Variants in CDH18 observed in about 807,000 individuals in gnomAD.
CDH18 encodes cadherin-18.
Under a neutral mutation model 67.9 loss-of-function variants are expected in CDH18, and 31 were observed. The observed-to-expected ratio is 0.46, with a 90% CI of 0.34 to 0.62. The LOEUF is 0.62. Ranked by LOEUF, CDH18 falls within the 20% of genes least tolerant of loss-of-function variation. The probability of loss-of-function intolerance (pLI) is 0.01; values close to 1 mark genes in which losing one functional copy is unlikely to be tolerated. For synonymous variants in CDH18, 362 were observed against 347.2 expected (o/e 1.04, Z -0.48); for missense variants, 890 against 975.5 (o/e 0.91, Z 1.17).
At chr5:19,731,934 A>G (rs571985797) in intron 4 of CDH18, among the ~76,000 whole-genome samples, 1 of 151,462 alleles carries the variant, frequency 6.6e-6, no homozygotes, top group Non-Finnish European at 1.5e-5. Flanking sequence ...TACAAAACAC[A>G]CAAAAATTAG....
chr5:19,641,685 A>G (rs933009810), intron 5 of CDH18, among the ~76,000 whole-genome samples: 1 of 152,038 alleles, frequency 6.6e-6, no homozygotes, highest in Non-Finnish European at 1.5e-5. Context: ...TCTCAACACA[A>G]TTATGGTCAT....
chr5:20,110,080 G>A (rs75509654), intron 2 of CDH18, among the ~76,000 whole-genome samples: 8,900 of 152,202 alleles, frequency 0.058, 286 homozygotes, highest in East Asian at 0.14. Context: ...CTCTCTCTGA[G>A]CTTACCCTCT....
intron 2 of CDH18, among the ~76,000 whole-genome samples, chr5:19,960,737 G>GTA (rs1796787052): frequency 2.4e-5 from 3 of 125,636 alleles, no homozygotes; most frequent in South Asian, 2.2e-4. Flanking sequence ...ACGTATATAC[G>GTA]TATACACGTG....
intron 5 of CDH18, among the ~76,000 whole-genome samples, chr5:19,718,169 G>T (rs905146463): frequency 6.6e-6 from 1 of 151,804 alleles, no homozygotes; most frequent in African/African-American, 2.4e-5. Context: ...AGAGCACAAT[G>T]GTTAATAAAA....
intron 1 of CDH18, among the ~76,000 whole-genome samples, chr5:20,272,144 C>T: frequency 6.6e-6 from 1 of 151,964 alleles, no homozygotes; most frequent in Non-Finnish European, 1.5e-5. Context: ...AGTAGCAAAA[C>T]AGACTGAAGA....
chr5:20,519,044 C>G (rs1054082268), intron 1 of CDH18, among the ~76,000 whole-genome samples: 1 of 152,040 alleles, frequency 6.6e-6, no homozygotes, highest in Non-Finnish European at 1.5e-5. Flanking sequence ...GCTCAATACC[C>G]CCAGCCTGGA....
rs368155280 is a variant in CDH18 at position 19,747,153 on chromosome 5, G to C, written c.312C>G (p.Asp104Glu). The change falls in exon 4 of 13, where the codon GAC becomes GAG. Residue 104 changes from aspartate (D) to glutamate (E), a missense_variant. By Grantham distance (45) the Asp-to-Glu change is conservative. This residue lies in a region of CDH18 where 234 missense variants were observed against 307.4 expected (regional missense o/e 0.76). Transcript: ENST00000382275. ...TTGAGTGGATATCACCCGTGGTATC[G>C]TCAATGATAAATATAGTCCCAGCAC... ...GEGAGTIFIIDDTTGDIHSTK... is the reference protein window; with the variant it reads ...GEGAGTIFIIEDTTGDIHSTK... The C allele has an allele frequency of 6.2e-7, 1 of 1,612,974 alleles. No individual in the cohort carries two copies. Among genetic ancestry groups the C allele is most frequent in the Admixed American group, 1.7e-5 (1 of 60,010 alleles).
At chr5:19,834,470 A>C (rs569664060) in intron 3 of CDH18, among the ~76,000 whole-genome samples, 1 of 151,980 alleles carries the variant, frequency 6.6e-6, no homozygotes, top group South Asian at 2.1e-4. Flanking sequence ...TTTTCAAAAA[A>C]AACAGCTCCT....
intron 2 of CDH18, among the ~76,000 whole-genome samples, chr5:20,177,754 TC>T (rs1476077292): frequency 6.6e-6 from 1 of 151,988 alleles, no homozygotes; most frequent in Non-Finnish European, 1.5e-5. Context: ...GGGGGTGGTT[TC>T]CCCCATACTG....
chr5:20,413,690 T>C (rs557629623), intron 1 of CDH18, among the ~76,000 whole-genome samples: 152 of 152,226 alleles, frequency 1.0e-3, no homozygotes, highest in Non-Finnish European at 1.9e-3. Flanking sequence ...TTGTTTAAGT[T>C]CTTTGTAGGT....
At chr5:20,190,214 C>T (rs866740911) in intron 2 of CDH18, among the ~76,000 whole-genome samples, 5 of 152,036 alleles carry the variant, frequency 3.3e-5, no homozygotes, top group Admixed American at 6.6e-5. Context: ...TAAACACCAG[C>T]GTGTGGGCAT....
intron 1 of CDH18, among the ~76,000 whole-genome samples, chr5:20,311,659 C>G (rs7708538): frequency 0.093 from 14,059 of 151,862 alleles, 1,869 homozygotes; most frequent in African/African-American, 0.3. Flanking sequence ...TGGGGGACTA[C>G]GAGAGGGATA....
At chr5:19,899,198 A>C (rs969008039) in intron 2 of CDH18, among the ~76,000 whole-genome samples, 2 of 152,068 alleles carry the variant, frequency 1.3e-5, no homozygotes, top group African/African-American at 4.8e-5. Context: ...TCAGGAGTTC[A>C]AGACCAGGCT....
chr5:20,521,604 A>C (rs532243668), intron 1 of CDH18, among the ~76,000 whole-genome samples: 1 of 152,136 alleles, frequency 6.6e-6, no homozygotes. Flanking sequence ...GAGCAGATAC[A>C]TGGGGCAGTA....
chr5:19,681,162 C>T (rs1367215513), intron 5 of CDH18, among the ~76,000 whole-genome samples: 2 of 151,912 alleles, frequency 1.3e-5, no homozygotes, highest in African/African-American at 4.8e-5. Flanking sequence ...AATGAATGAA[C>T]AGAAAACCAA....
At chr5:19,641,895 A>C (rs4866146) in intron 5 of CDH18, among the ~76,000 whole-genome samples, 151,404 of 151,936 alleles carry the variant, frequency 1, 75,439 homozygotes, top group East Asian at 1. Flanking sequence ...GCTTTATTTG[A>C]AGAAAATACC....
intron 1 of CDH18, among the ~76,000 whole-genome samples, chr5:20,296,157 A>C (rs1174201914): frequency 6.6e-6 from 1 of 151,436 alleles, no homozygotes; most frequent in Non-Finnish European, 1.5e-5. Flanking sequence ...TGCAGGTGTC[A>C]GCCATCGCGC....
intron 2 of CDH18, among the ~76,000 whole-genome samples, chr5:20,172,214 A>ATATACGTATATATATATATACG (rs1554098759): frequency 2.0e-3 from 67 of 32,856 alleles, no homozygotes; most frequent in African/African-American, 5.6e-3. Context: ...ATATATATAT[A>ATATACGTATATATATATATACG]TATATATATG....
intron 2 of CDH18, among the ~76,000 whole-genome samples, chr5:20,095,175 G>C (rs759986854): frequency 6.6e-6 from 1 of 151,478 alleles, no homozygotes; most frequent in Non-Finnish European, 1.5e-5. Flanking sequence ...GGCAAGGGAG[G>C]GATAACATTA....
Sources: gnomAD v4.1 joint callset for allele counts (sites outside exome capture counted in the v4.1 genomes callset) on GRCh38, gnomAD v4.1.1 for gene constraint, gnomAD v4.1.1 regional missense constraint, MANE v1.5 for transcripts, NCBI Gene and HGNC (gene_info 2026-07-23, HGNC 2026-07-21) for gene names.